Variants in PEX5L observed in about 807,000 individuals in gnomAD.
PEX5L encodes the protein peroxisomal biogenesis factor 5 like, also known as PEX5-related protein.
Under a neutral mutation model 84.0 loss-of-function variants are expected in PEX5L, and 30 were observed. The ratio of observed to expected loss-of-function variants is 0.36; its 90% CI spans 0.27 to 0.48. PEX5L has a LOEUF of 0.48. PEX5L is among the 20% of genes least tolerant of loss of function. PEX5L has a pLI of 0.99. For missense variants in PEX5L, 533 were observed against 754.6 expected, an observed-to-expected ratio of 0.71 and a Z score of 3.44; for synonymous variants, 270 against 283.1, an observed-to-expected ratio of 0.95 and a Z score of 0.46.
Position 179,795,062 on chromosome 3 carries a change from T to C in PEX5L, c.*6766A>G, listed in dbSNP as rs1351236638. The C allele has an allele frequency of 6.6e-6, 1 of 152,212 alleles. No individual in the cohort carries two copies. The highest frequency in any genetic ancestry group is 1.5e-5 in the Non-Finnish European group (1 of 68,038). The allele number at this position is 152,212 out of a possible 1,614,324, so 9.4% of individuals were successfully genotyped here. ...ACAAAGGAGGAAGATTTTTAAAGTTTTGTTTTATATCCAAAAATGCATTCC... is the reference window on the plus strand; with the variant it reads ...ACAAAGGAGGAAGATTTTTAAAGTTCTGTTTTATATCCAAAAATGCATTCC... On this transcript the variant is annotated 3_prime_UTR_variant, in exon 15 of 15. Coordinates refer to ENST00000467460, the MANE Select transcript of PEX5L (RefSeq NM_016559.3).
At chr3:179,925,500 T>C (rs1265557268) in intron 2 of PEX5L, among the ~76,000 whole-genome samples, 1 of 152,230 alleles carries the variant, frequency 6.6e-6, no homozygotes, top group African/African-American at 2.4e-5. Context: ...ACTGGATACA[T>C]CTTAAAGATT....
intron 2 of PEX5L, among the ~76,000 whole-genome samples, chr3:179,929,241 G>T (rs1239110911): frequency 6.6e-6 from 1 of 152,170 alleles, no homozygotes; most frequent in African/African-American, 2.4e-5. Context: ...CTAGCTGACA[G>T]CAGGGGGCAG....
intron 7 of PEX5L, among the ~76,000 whole-genome samples, chr3:179,860,333 C>T (rs1022117367): frequency 1.3e-5 from 2 of 152,170 alleles, no homozygotes; most frequent in Non-Finnish European, 2.9e-5. Flanking sequence ...TGAATTTCCC[C>T]GGTCCCTTTT....
intron 1 of PEX5L, among the ~76,000 whole-genome samples, chr3:180,026,850 T>C (rs1336935765): frequency 1.3e-5 from 2 of 152,112 alleles, no homozygotes; most frequent in African/African-American, 4.8e-5. Context: ...ACGGTGGACA[T>C]TCACTTAAAA....
chr3:179,958,503 C>G (rs1488489009), intron 2 of PEX5L, among the ~76,000 whole-genome samples: 1 of 152,180 alleles, frequency 6.6e-6, no homozygotes, highest in Non-Finnish European at 1.5e-5. Context: ...GTAGCACATA[C>G]TAAATGCTGT....
At chr3:180,008,010 G>C (rs527299551) in intron 1 of PEX5L, among the ~76,000 whole-genome samples, 44 of 152,324 alleles carry the variant, frequency 2.9e-4, no homozygotes, top group Non-Finnish European at 5.9e-4. Flanking sequence ...AATTTCTGCA[G>C]CTGGCTCAAA....
At chr3:179,956,714 T>A (rs985612310) in intron 2 of PEX5L, among the ~76,000 whole-genome samples, 5 of 152,192 alleles carry the variant, frequency 3.3e-5, no homozygotes, top group Non-Finnish European at 7.3e-5. Flanking sequence ...AAATGCTGTA[T>A]AACTGCCACA....
intron 1 of PEX5L, among the ~76,000 whole-genome samples, chr3:180,002,692 A>C (rs1408563279): frequency 1.3e-5 from 2 of 152,038 alleles, no homozygotes; most frequent in African/African-American, 4.8e-5. Flanking sequence ...GGGCATATTA[A>C]TTTTTCCATC....
intron 1 of PEX5L, among the ~76,000 whole-genome samples, chr3:179,974,785 C>A (rs1172339192): frequency 6.6e-6 from 1 of 152,290 alleles, no homozygotes; most frequent in East Asian, 1.9e-4. Flanking sequence ...AGACTTCCAC[C>A]ATCTCTCCTT....
chr3:179,872,265 G>GT (rs1416074053), intron 7 of PEX5L, among the ~76,000 whole-genome samples: 2 of 152,060 alleles, frequency 1.3e-5, no homozygotes, highest in Non-Finnish European at 2.9e-5. Flanking sequence ...GTGACTTGGT[G>GT]TTTCAGATCT....
rs1718538000 is a variant in PEX5L at position 179,800,454 on chromosome 3, AT to A, written c.*1373del. On this transcript the variant is annotated 3_prime_UTR_variant, in exon 15 of 15. Coordinates refer to ENST00000467460, the MANE Select transcript of PEX5L (RefSeq NM_016559.3). ...TTGGGAAAATTATATTCTGATTAGC[AT>A]TTTGCAAAAAATGTTCCTAATTCTT... is the stretch of plus-strand genomic sequence containing the variant. The A allele has an allele frequency of 6.6e-6, 1 of 152,210 alleles. No individual in the cohort carries two copies. The highest frequency in any genetic ancestry group is 2.4e-5 in the African/African-American group (1 of 41,440). The allele number at this position is 152,210 out of a possible 1,614,324, so 9.4% of individuals were successfully genotyped here.
At chr3:180,022,783 T>C (rs1373892927) in intron 1 of PEX5L, among the ~76,000 whole-genome samples, 1 of 152,146 alleles carries the variant, frequency 6.6e-6, no homozygotes, top group Non-Finnish European at 1.5e-5. Flanking sequence ...CTAGAGGGGA[T>C]TTCTGCATAA....
chr3:179,828,877 G>T (rs545088173), intron 8 of PEX5L, among the ~76,000 whole-genome samples: 1 of 152,244 alleles, frequency 6.6e-6, no homozygotes, highest in East Asian at 1.9e-4. Context: ...TTAGCCAGCA[G>T]GTTTTCTCAT....
At chr3:179,960,498 G>A (rs1484385795) in intron 2 of PEX5L, among the ~76,000 whole-genome samples, 1 of 152,166 alleles carries the variant, frequency 6.6e-6, no homozygotes, top group Non-Finnish European at 1.5e-5. Context: ...TGTATTGGGT[G>A]CTCACCAGTA....
At chr3:179,847,059 ATGTGTGTGTG>A (rs749528776) in intron 8 of PEX5L, among the ~76,000 whole-genome samples, 3 of 111,874 alleles carry the variant, frequency 2.7e-5, no homozygotes, top group Non-Finnish European at 5.8e-5. Context: ...CCCTTTCTCC[ATGTGTGTGTG>A]TGTGTGTGTG....
chr3:179,853,533 A>C (rs958573451), intron 8 of PEX5L, among the ~76,000 whole-genome samples: 1 of 152,208 alleles, frequency 6.6e-6, no homozygotes, highest in Non-Finnish European at 1.5e-5. Flanking sequence ...GCTCCTTCGC[A>C]GTTTGTCACT....
intron 1 of PEX5L, among the ~76,000 whole-genome samples, chr3:180,022,495 G>C (rs947171985): frequency 1.3e-5 from 2 of 152,114 alleles, no homozygotes; most frequent in Non-Finnish European, 2.9e-5. Context: ...ATTTAAAAGA[G>C]GGGTTAATTT....
At chr3:179,945,835 A>G (rs11923858) in intron 2 of PEX5L, among the ~76,000 whole-genome samples, 23,640 of 151,992 alleles carry the variant, frequency 0.16, 2,059 homozygotes, top group Non-Finnish European at 0.19. Flanking sequence ...TTTTACTTCT[A>G]TCCACTAGTC....
chr3:179,873,907 A>G (rs965886260), intron 7 of PEX5L, among the ~76,000 whole-genome samples: 13 of 152,198 alleles, frequency 8.5e-5, no homozygotes, highest in Non-Finnish European at 1.8e-4. Context: ...TTAATGTGAC[A>G]GTCAGGGTAC....
Sources: gnomAD v4.1 joint callset for allele counts (sites outside exome capture counted in the v4.1 genomes callset) on GRCh38, gnomAD v4.1.1 for gene constraint, MANE v1.5 for transcripts, NCBI Gene and HGNC (gene_info 2026-07-23, HGNC 2026-07-21) for gene names.